Variants in AGBL1 observed in about 807,000 individuals in gnomAD.
The protein encoded by AGBL1 is cytosolic carboxypeptidase 4.
In AGBL1, 130 loss-of-function variants were observed where a neutral mutation model predicts 118.9. The observed-to-expected ratio is 1.09, with a 90% CI of 0.95 to 1.26. AGBL1 has a LOEUF of 1.26. AGBL1 is among the 50% of genes most tolerant of loss of function. The pLI, the probability that AGBL1 is intolerant of heterozygous loss-of-function variation, is 0.00. For synonymous variants in AGBL1, 555 were observed against 478.9 expected, an observed-to-expected ratio of 1.16 and a Z score of -2.08; for missense variants, 1,584 against 1,298.1, an observed-to-expected ratio of 1.22 and a Z score of -3.38.
chr15:86,472,204 T>C (rs2082488076), intron 18 of AGBL1, among the ~76,000 whole-genome samples: 1 of 152,180 alleles, frequency 6.6e-6, no homozygotes, highest in South Asian at 2.1e-4. Flanking sequence ...ACCAAGTTTG[T>C]GGTAATTTGT....
chr15:86,437,555 C>T (rs2082013773), intron 18 of AGBL1, among the ~76,000 whole-genome samples: 1 of 152,094 alleles, frequency 6.6e-6, no homozygotes, highest in African/African-American at 2.4e-5. Context: ...ATGCAGTTTC[C>T]CCAACTCAGC....
chr15:86,305,676 TTAG>T (rs1357534086), intron 17 of AGBL1, among the ~76,000 whole-genome samples: 2 of 152,198 alleles, frequency 1.3e-5, no homozygotes, highest in South Asian at 2.1e-4. Flanking sequence ...ACAATTACTG[TTAG>T]TAGTTTTAAA....
chr15:86,796,122 A>G (rs958357422), intron 22 of AGBL1, among the ~76,000 whole-genome samples: 3 of 152,128 alleles, frequency 2.0e-5, no homozygotes, highest in Non-Finnish European at 4.4e-5. Context: ...TTGGGCCCAG[A>G]TGAATGAATG....
intron 22 of AGBL1, among the ~76,000 whole-genome samples, chr15:86,870,162 T>G (rs898102934): frequency 6.6e-6 from 1 of 152,078 alleles, no homozygotes; most frequent in African/African-American, 2.4e-5. Context: ...TAAATTGTCT[T>G]AAGATCATCT....
chr15:86,582,020 G>A (rs1489874730), intron 21 of AGBL1, among the ~76,000 whole-genome samples: 1 of 152,020 alleles, frequency 6.6e-6, no homozygotes, highest in African/African-American at 2.4e-5. Flanking sequence ...ATTTTGGGCT[G>A]GATAATTTTT....
chr15:86,113,054 G>A (rs1325925735), intron 1 of AGBL1, among the ~76,000 whole-genome samples: 4 of 152,122 alleles, frequency 2.6e-5, no homozygotes, highest in South Asian at 2.1e-4. Flanking sequence ...TCTAAAAGGA[G>A]GAATGGTTTC....
chr15:87,018,088 A>C (rs886782307), intron 24 of AGBL1, among the ~76,000 whole-genome samples: 1 of 132,640 alleles, frequency 7.5e-6, no homozygotes, highest in Non-Finnish European at 1.5e-5. Context: ...AATGAAAAGG[A>C]ATGAACAAAA....
intron 18 of AGBL1, among the ~76,000 whole-genome samples, chr15:86,399,588 G>A (rs1024688062): frequency 2.6e-5 from 4 of 152,136 alleles, no homozygotes; most frequent in Non-Finnish European, 5.9e-5. Flanking sequence ...TCTGGAAAAG[G>A]TCTCAGAAAC....
At chr15:87,009,288 C>T (rs919820308) in intron 24 of AGBL1, among the ~76,000 whole-genome samples, 1 of 152,140 alleles carries the variant, frequency 6.6e-6, no homozygotes. Flanking sequence ...ATGTACAGCT[C>T]GGGCTATTTC....
At chr15:86,813,619 GT>G (rs1324576982) in intron 22 of AGBL1, among the ~76,000 whole-genome samples, 1 of 152,088 alleles carries the variant, frequency 6.6e-6, no homozygotes, top group Non-Finnish European at 1.5e-5. Context: ...ATCCTCTGGA[GT>G]CCTCACCTGG....
chr15:86,899,240 G>A (rs866009713), intron 22 of AGBL1, among the ~76,000 whole-genome samples: 2 of 152,182 alleles, frequency 1.3e-5, no homozygotes, highest in Non-Finnish European at 2.9e-5. Flanking sequence ...TTGTGGGAAC[G>A]TGGATGGAGC....
At chr15:86,135,009 A>G (rs780546517) in intron 1 of AGBL1, among the ~76,000 whole-genome samples, 48 of 151,942 alleles carry the variant, frequency 3.2e-4, no homozygotes, top group Admixed American at 2.6e-4. Flanking sequence ...CTGAACCCCA[A>G]TGTTGGAGTT....
intron 17 of AGBL1, among the ~76,000 whole-genome samples, chr15:86,391,783 C>T (rs182162987): frequency 2.8e-4 from 42 of 150,764 alleles, no homozygotes; most frequent in Admixed American, 1.6e-3. Context: ...GCCTTCCAAA[C>T]GGCCTGTGCT....
At chr15:86,718,630 G>C (rs1475413398) in intron 22 of AGBL1, among the ~76,000 whole-genome samples, 2 of 152,132 alleles carry the variant, frequency 1.3e-5, no homozygotes, top group Non-Finnish European at 2.9e-5. Context: ...CCCAAACCAA[G>C]GGGAGATGGA....
intron 3 of AGBL1, among the ~76,000 whole-genome samples, chr15:86,151,412 A>T (rs1244424121): frequency 6.6e-6 from 1 of 152,180 alleles, no homozygotes; most frequent in Non-Finnish European, 1.5e-5. Flanking sequence ...ACATAAACAG[A>T]AGCAAAGACA....
At chr15:86,812,302 A>G (rs1192079912) in intron 22 of AGBL1, among the ~76,000 whole-genome samples, 1 of 152,168 alleles carries the variant, frequency 6.6e-6, no homozygotes, top group Non-Finnish European at 1.5e-5. Flanking sequence ...ACACCCCAAT[A>G]TGGTGTTTAG....
chr15:86,443,784 T>G (rs1229652368), intron 18 of AGBL1, among the ~76,000 whole-genome samples: 1 of 152,124 alleles, frequency 6.6e-6, no homozygotes, highest in Non-Finnish European at 1.5e-5. Context: ...AAGATTTCAC[T>G]CTTTTTATGA....
intron 22 of AGBL1, among the ~76,000 whole-genome samples, chr15:86,722,446 C>G (rs1195841775): frequency 6.6e-6 from 1 of 152,158 alleles, no homozygotes; most frequent in African/African-American, 2.4e-5. Context: ...GGAAAACTGG[C>G]TAGCCATCTG....
At chr15:86,757,740 C>T (rs1382883735) in intron 22 of AGBL1, among the ~76,000 whole-genome samples, 3 of 152,026 alleles carry the variant, frequency 2.0e-5, no homozygotes, top group African/African-American at 2.4e-5. Context: ...TCTTTCCTCC[C>T]GCTGGTCCTC....
Sources: gnomAD v4.1 joint callset for allele counts (sites outside exome capture counted in the v4.1 genomes callset) on GRCh38, gnomAD v4.1.1 for gene constraint, MANE v1.5 for transcripts, NCBI Gene and HGNC (gene_info 2026-07-23, HGNC 2026-07-21) for gene names.